Variants in NANP observed in about 807,000 individuals in gnomAD.
NANP encodes the protein N-acylneuraminate-9-phosphatase.
A neutral mutation model predicts 16.9 loss-of-function variants in NANP; 15 were observed. The ratio of observed to expected loss-of-function variants is 0.89; its 90% confidence interval spans 0.59 to 1.37. The LOEUF is 1.37. NANP is among the 40% of genes most tolerant of loss of function. The pLI is 0.00. For missense variants in NANP, 290 were observed against 303.5 expected (o/e 0.96, Z 0.33); for synonymous variants, 135 against 112.6 (o/e 1.20, Z -1.26).
Position 25,623,976 on chromosome 20 carries a change from C to G in NANP, c.-28G>C, listed in dbSNP as rs372003300. On this transcript the variant is annotated 5_prime_UTR_variant, in exon 1 of 2. Transcript: ENST00000304788. ...CGCCGGCCGCTGGCGCGAACCGTAG[C>G]CTTGCCACCGCCGCCTGCGCATGCG... 2 of 1,606,816 alleles carry G rather than the reference C, an allele frequency of 1.2e-6. No homozygotes were observed. The highest frequency in any genetic ancestry group is 2.2e-5 in the East Asian group (1 of 44,708).
chr20:25,618,805 T>C (rs2065353599), intron 1 of NANP, among the ~76,000 whole-genome samples: 1 of 152,080 alleles, frequency 6.6e-6, no homozygotes. Context: ...AACCTGGTCA[T>C]TAAGCTGCTC....
chr20:25,616,463 T>A lies in NANP; in HGVS notation c.209A>T (p.Asp70Val). The A allele has an allele frequency of 6.2e-7, 1 of 1,614,144 alleles. No individual in the cohort carries two copies. The highest frequency in any genetic ancestry group is 2.2e-5 in the East Asian group (1 of 44,892). Residue 70 changes from aspartate to valine, a missense_variant, in exon 2 of 2, where the codon GAT (aspartate) becomes GTT (valine). Physicochemically the swap from Asp to Val is radical, Grantham distance 152 (BLOSUM62 -3). Coordinates refer to ENST00000304788, the MANE Select transcript of NANP (RefSeq NM_152667.3). ...TTCTTCCCAATGTGAAGTCCTTAAA[T>A]CAGTAATGCATGTATTGTAAGGATG... ...CFHPYNTCIT[D>V]LRTSHWEEAI...
At chr20:25,623,039 T>C (rs2065372619) in intron 1 of NANP, among the ~76,000 whole-genome samples, 1 of 152,208 alleles carries the variant, frequency 6.6e-6, no homozygotes, top group Admixed American at 6.5e-5. Context: ...AACTAACTGA[T>C]GAAGCATGAA....
chr20:25,616,555 G>C lies in NANP; in HGVS notation c.117C>G (p.Tyr39Ter). ...TGATTTCAGCCTCTTCTTTATAATG[G>C]TATTTTGATTGTAAGAGTTTTATCA... Reference protein sequence around the residue: ...LEVIKLLQSKYHYKEEAEIIC... With the variant: ...LEVIKLLQSK The change falls in exon 2 of 2, where the codon TAC becomes TAG. Residue 39 changes from tyrosine to a stop codon, truncating the protein, a stop_gained. Transcript: ENST00000304788. LOFTEE classifies it high-confidence loss of function. The C allele has an allele frequency of 1.9e-6, 3 of 1,596,036 alleles. No homozygotes were observed. Among genetic ancestry groups the C allele is most frequent in the Non-Finnish European group, 2.6e-6 (3 of 1,172,872 alleles).
Position 25,616,324 on chromosome 20 carries a change from G to A in NANP, c.348C>T (p.Ala116=). Residue 116 remains alanine (A), a synonymous_variant, in exon 2 of 2, where the codon GCC becomes GCT. Coordinates refer to ENST00000304788, the MANE Select transcript of NANP (RefSeq NM_152667.3). ...QHMTLAEDVK[A]MLTELRKEVR... is the part of the protein sequence containing the mutation. Reference sequence around the variant, plus strand: ...CCTCCTTTCGAAGTTCAGTAAGCATGGCTTTGACGTCTTCTGCTAGTGTCA... The same window carrying A: ...CCTCCTTTCGAAGTTCAGTAAGCATAGCTTTGACGTCTTCTGCTAGTGTCA... 6.2e-7 allele frequency: 1 copy of A among 1,614,114 alleles called. No homozygotes were observed.
chr20:25,615,056 A>T lies in NANP; in HGVS notation c.*869T>A, dbSNP rs1339146988. ...GGAAATGTTCCTCTTATGGATCCAC[A>T]GAAGAAAAATGACTTTTAGTGCCAC... is the stretch of plus-strand genomic sequence containing the variant. On this transcript the variant is annotated 3_prime_UTR_variant, in exon 2 of 2. Transcript: ENST00000304788. 1 of 152,246 alleles carries T rather than the reference A, an allele frequency of 6.6e-6. No homozygotes were observed. The highest frequency in any genetic ancestry group is 2.4e-5 in the African/African-American group (1 of 41,438). 9.4% of individuals were successfully genotyped at this position (152,246 alleles called of 1,614,324 possible). A position where few individuals can be genotyped will look rare whatever the true frequency, so the allele number is the denominator to read the frequency against.
At chr20:25,621,705 C>T (rs2065364863) in intron 1 of NANP, among the ~76,000 whole-genome samples, 1 of 152,206 alleles carries the variant, frequency 6.6e-6, no homozygotes, top group Non-Finnish European at 1.5e-5. Context: ...CAGGCGCCCG[C>T]CAACACACCC....
chr20:25,621,408 G>C (rs996783059), intron 1 of NANP, among the ~76,000 whole-genome samples: 5 of 152,076 alleles, frequency 3.3e-5, no homozygotes, highest in Non-Finnish European at 7.4e-5. Flanking sequence ...TAATTACCAT[G>C]AAAAACAGGT....
At position 25,615,991 on chromosome 20, in the gene NANP, A is replaced by C. The variant is rs1341192870; in HGVS notation, c.681T>G (p.Val227=). 2.5e-6 allele frequency: 4 copies of C among 1,614,086 alleles called. No homozygotes were observed. Among genetic ancestry groups the C allele is most frequent in the African/African-American group, 1.3e-5 (1 of 74,920 alleles). Reference sequence around the variant, plus strand: ...GAGCAGGTAACTCTAGCACAGAAGAAACCATGTAATGCGGAACTGGGGAGG... The same window carrying C: ...GAGCAGGTAACTCTAGCACAGAAGACACCATGTAATGCGGAACTGGGGAGG... The part of the protein sequence containing the change: ...LKSSPVPHYM[V]SSVLELPALL... Residue 227 remains valine, a synonymous_variant, in exon 2 of 2, where the codon GTT becomes GTG. Coordinates refer to ENST00000304788, the MANE Select transcript of NANP (RefSeq NM_152667.3).
Position 25,615,703 on chromosome 20 carries a change from T to C in NANP, c.*222A>G. The C allele has an allele frequency of 3.9e-6, 2 of 514,132 alleles. No homozygotes were observed. Among genetic ancestry groups the C allele is most frequent in the Non-Finnish European group, 3.4e-6 (1 of 295,430 alleles). The allele number at this position is 514,132 out of a possible 1,614,324, so 31.8% of individuals were successfully genotyped here. On this transcript the variant is annotated 3_prime_UTR_variant, in exon 2 of 2. Coordinates refer to ENST00000304788, the MANE Select transcript of NANP (RefSeq NM_152667.3). ...AATTTTCTGGGCTATACTACTGACCTGAATTCATGCAATCTGAATTTTCAG... is the reference window on the plus strand; with the variant it reads ...AATTTTCTGGGCTATACTACTGACCCGAATTCATGCAATCTGAATTTTCAG...
At position 25,616,584 on chromosome 20, in the gene NANP, AAAT is replaced by A. The variant is rs771043642; in HGVS notation, c.91-6_91-4del. 39 of 1,559,674 alleles carry A rather than the reference AAAT, an allele frequency of 2.5e-5. 1 individual carries two copies. The Admixed American group carries it at 6.7e-4, about 27-fold the overall frequency. On this transcript the variant is annotated splice_polypyrimidine_tract_variant and splice_region_variant and intron_variant, in intron 1 of 1. Coordinates refer to ENST00000304788, the MANE Select transcript of NANP (RefSeq NM_152667.3). ...TTTGATTGTAAGAGTTTTATCACCT[AAAT>A]AATGGAAAATAACTCCATTAACACA...
In NANP at chr20:25,623,926, G is replaced by T. The variant is rs769927279; in HGVS notation, c.23C>A (p.Ala8Glu). MGLSRVRAVFFDLDNTLI... is the reference protein window; with the variant it reads MGLSRVREVFFDLDNTLI... ...AGTGTTGTCCAAGTCAAAGAAAACC[G>T]CCCGCACGCGGCTCAGCCCCATAGC... Residue 8 changes from alanine (A) to glutamate (E), a missense_variant, in exon 1 of 2, where the codon GCG becomes GAG. By Grantham distance (107) the Ala-to-Glu change is moderately radical. Coordinates refer to ENST00000304788, the MANE Select transcript of NANP (RefSeq NM_152667.3). The T allele has an allele frequency of 6.2e-7, 1 of 1,613,318 alleles. No individual in the cohort carries two copies. The highest frequency in any genetic ancestry group is 1.1e-5 in the South Asian group (1 of 91,076).
Position 25,615,663 on chromosome 20 carries a change from T to C in NANP, c.*262A>G. On this transcript the variant is annotated 3_prime_UTR_variant, in exon 2 of 2. Coordinates refer to ENST00000304788, the MANE Select transcript of NANP (RefSeq NM_152667.3). ...AAAGCTCCAGATACAGACTAACAAA[T>C]AATATATTTCCTTAAATTTTCTGGG... 2.7e-6 allele frequency: 1 copy of C among 370,248 alleles called. No individual in the cohort carries two copies. The highest frequency in any genetic ancestry group is 4.8e-6 in the Non-Finnish European group (1 of 208,152). The allele number at this position is 370,248 out of a possible 1,614,324, so 22.9% of individuals were successfully genotyped here. A position where few individuals can be genotyped will look rare whatever the true frequency, so the allele number is the denominator to read the frequency against.
At position 25,616,234 on chromosome 20, in the gene NANP, G is replaced by A; in HGVS notation, c.438C>T (p.Ala146=). ...CAACAGCGTCAAAATAGGACTGACA[G>A]GCACAAGCCTCAATCTTCTCCCTCT... The part of the protein sequence containing the change: ...QTQREKIEAC[A]CQSYFDAVVV... Residue 146 remains alanine (A), a synonymous_variant, in exon 2 of 2, where the codon GCC becomes GCT. Transcript: ENST00000304788. The A allele has an allele frequency of 2.5e-6, 4 of 1,614,150 alleles. No homozygotes were observed. The highest frequency in any genetic ancestry group is 3.4e-6 in the Non-Finnish European group (4 of 1,180,034).
At chr20:25,620,479 A>G (rs2065360329) in intron 1 of NANP, among the ~76,000 whole-genome samples, 1 of 152,210 alleles carries the variant, frequency 6.6e-6, no homozygotes, top group Admixed American at 6.5e-5. Context: ...CTAGACCCAG[A>G]ACTAAAGTTA....
chr20:25,623,814 G>C lies in NANP; in HGVS notation c.90+45C>G, dbSNP rs767354886. 4 of 1,561,938 alleles carry C rather than the reference G, an allele frequency of 2.6e-6. No homozygotes were observed. In the East Asian group the frequency reaches 6.8e-5, roughly 27 times the overall value. On this transcript the variant is annotated intron_variant, in intron 1 of 1. Transcript: ENST00000304788. ...AGGTGAGCGTGCAGGACGGGGCGGG[G>C]CGCACTGACCCCGCCCAGAGGAGCG...
intron 1 of NANP, among the ~76,000 whole-genome samples, chr20:25,619,268 T>C (rs2065356055): frequency 6.6e-6 from 1 of 151,930 alleles, no homozygotes; most frequent in Admixed American, 6.6e-5. Context: ...GAACTACAAC[T>C]GCACACCACC....
In NANP at chr20:25,616,303, CT is replaced by C; in HGVS notation, c.368del (p.Lys123ArgfsTer8). 1 of 1,614,188 alleles carries C rather than the reference CT, an allele frequency of 6.2e-7. No homozygotes were observed. The highest frequency in any genetic ancestry group is 8.5e-7 in the Non-Finnish European group (1 of 1,180,018). ...DVKAMLTELR[K>X]EVRLLLLTNG... The stretch of plus-strand genomic sequence containing the variant: ...TCGTTAATAGAAGTAGGCGGACCTC[CT>C]TTCGAAGTTCAGTAAGCATGGCTTT... On this transcript the variant is annotated frameshift_variant, in exon 2 of 2. Coordinates refer to ENST00000304788, the MANE Select transcript of NANP (RefSeq NM_152667.3). LOFTEE classifies it high-confidence loss of function.
chr20:25,623,316 G>A (rs1006061805), intron 1 of NANP, among the ~76,000 whole-genome samples: 2 of 152,238 alleles, frequency 1.3e-5, no homozygotes, highest in Non-Finnish European at 2.9e-5. Context: ...CACCCCGCCA[G>A]GGAGGCCAGA....
Sources: gnomAD v4.1 joint callset for allele counts (sites outside exome capture counted in the v4.1 genomes callset) on GRCh38, gnomAD v4.1.1 for gene constraint, MANE v1.5 for transcripts, NCBI Gene and HGNC (gene_info 2026-07-23, HGNC 2026-07-21) for gene names.